Variants in GRM5 observed in about 807,000 individuals in gnomAD.
The protein encoded by GRM5 is metabotropic glutamate receptor 5.
In GRM5, 19 loss-of-function variants were observed where a neutral mutation model predicts 83.1. The ratio of observed to expected loss-of-function variants is 0.23; its 90% CI spans 0.16 to 0.34. The LOEUF is 0.34. Among genes scored for constraint, GRM5 ranks in the 10% least tolerant of loss-of-function variants. The pLI is 1.00. For missense variants in GRM5, 1,160 were observed against 1,588.3 expected, an observed-to-expected ratio of 0.73 and a Z score of 4.58; for synonymous variants, 675 against 633.6, an observed-to-expected ratio of 1.07 and a Z score of -0.98.
intron 7 of GRM5, among the ~76,000 whole-genome samples, chr11:88,574,982 T>C (rs2135184048): frequency 6.9e-6 from 1 of 144,736 alleles, no homozygotes; most frequent in Admixed American, 6.9e-5. Flanking sequence ...TAACTTTTCT[T>C]TTCTTTTTTT....
intron 2 of GRM5, among the ~76,000 whole-genome samples, chr11:88,874,489 A>C (rs901007658): frequency 2.0e-5 from 3 of 151,988 alleles, no homozygotes; most frequent in African/African-American, 7.2e-5. Context: ...AGATACTAGA[A>C]GAAAACACAG....
chr11:88,705,827 C>A lies in GRM5; in HGVS notation c.912-52424G>T, dbSNP rs978538758. Among the ~76,000 whole-genome samples, 6 of 151,938 alleles carry A rather than the reference C, an allele frequency of 3.9e-5. 1 individual carries two copies. Among genetic ancestry groups the A allele is most frequent in the Non-Finnish European group, 7.4e-5 (5 of 67,970 alleles). ...AAATGCAAACTTCTTGGGTATGTCA[C>A]CCAAGAATCTGTCTCCATCTCTCAA... On this transcript the variant is annotated intron_variant, in intron 3 of 9. Coordinates refer to ENST00000305447, the MANE Select transcript of GRM5 (RefSeq NM_001143831.3).
intron 2 of GRM5, among the ~76,000 whole-genome samples, chr11:88,929,511 A>G (rs1297519171): frequency 6.6e-6 from 1 of 152,140 alleles, no homozygotes; most frequent in Non-Finnish European, 1.5e-5. Context: ...TTATCATGAA[A>G]AGCTTTTGTT....
intron 3 of GRM5, among the ~76,000 whole-genome samples, chr11:88,820,081 C>T (rs1565246537): frequency 6.6e-6 from 1 of 151,972 alleles, no homozygotes; most frequent in Non-Finnish European, 1.5e-5. Context: ...ATATTCAAAT[C>T]ATAGCAGATT....
chr11:88,993,190 C>T lies in GRM5; in HGVS notation c.661+54022G>A, dbSNP rs866715987. ...CTAAGGCAGAAGAAGGGCGTGAGTC[C>T]AGGAGGCAGAGCTTGCAGTGAGCCG... On this transcript the variant is annotated intron_variant, in intron 2 of 9. Coordinates refer to ENST00000305447, the MANE Select transcript of GRM5 (RefSeq NM_001143831.3). 3.8e-4 allele frequency among the ~76,000 whole-genome samples: 55 copies of T among 144,240 alleles called. 1 individual carries two copies. Among genetic ancestry groups the T allele is most frequent in the African/African-American group, 1.2e-3 (46 of 39,080 alleles). The allele number at this position is 144,240 out of a possible 152,430, so 94.6% of individuals were successfully genotyped here.
chr11:88,831,534 G>A (rs560137597), intron 3 of GRM5, among the ~76,000 whole-genome samples: 17 of 152,260 alleles, frequency 1.1e-4, no homozygotes, highest in African/African-American at 4.1e-4. Flanking sequence ...GTACCTATTT[G>A]GGACCTCATG....
intron 2 of GRM5, among the ~76,000 whole-genome samples, chr11:88,863,901 T>C (rs577186959): frequency 1.3e-5 from 2 of 151,712 alleles, no homozygotes; most frequent in Non-Finnish European, 2.9e-5. Context: ...TCTGTCATAT[T>C]TTCAGTTACT....
At chr11:89,045,055 A>C (rs577629841) in intron 2 of GRM5, among the ~76,000 whole-genome samples, 1 of 152,250 alleles carries the variant, frequency 6.6e-6, no homozygotes, top group South Asian at 2.1e-4. Context: ...AGCAAGATAA[A>C]TATTTCTTGA....
chr11:88,998,231 A>T (rs1447273578), intron 2 of GRM5, among the ~76,000 whole-genome samples: 1 of 152,170 alleles, frequency 6.6e-6, no homozygotes, highest in Admixed American at 6.5e-5. Flanking sequence ...CGAATTCAGC[A>T]GTTTATACAC....
chr11:88,928,484 G>GTATA, intron 2 of GRM5, among the ~76,000 whole-genome samples: 1 of 98,478 alleles, frequency 1.0e-5, no homozygotes, highest in Admixed American at 9.6e-5. Context: ...ATATATATAT[G>GTATA]TATATATGTA....
At chr11:88,945,402 T>A (rs1314125297) in intron 2 of GRM5, among the ~76,000 whole-genome samples, 2 of 152,010 alleles carry the variant, frequency 1.3e-5, no homozygotes, top group Admixed American at 1.3e-4. Flanking sequence ...AATGTAGCAT[T>A]CATATGGAAC....
Position 88,508,859 on chromosome 11 carries a change from C to T in GRM5, c.3372G>A (p.Thr1124=), listed in dbSNP as rs569668690. 2 of 1,577,330 alleles carry T rather than the reference C, an allele frequency of 1.3e-6. No individual in the cohort carries two copies. Among genetic ancestry groups the T allele is most frequent in the South Asian group, 1.2e-5 (1 of 86,058 alleles). Residue 1124 remains threonine (T), a synonymous_variant, in exon 10 of 10, where the codon ACG becomes ACA. Coordinates refer to ENST00000305447, the MANE Select transcript of GRM5 (RefSeq NM_001143831.3). This position sits in a 1 kb window ranked among gnomAD's most constrained non-coding sequence, Gnocchi z 4.2. ...EIQPLPAIEV[T]GGAQPAAGAQ... ...CCCCTGCCGCGGGCTGCGCGCCTCC[C>T]GTGACTTCGATGGCCGGCAGAGGCT...
intron 4 of GRM5, among the ~76,000 whole-genome samples, chr11:88,650,120 G>A (rs1939591611): frequency 6.6e-6 from 1 of 151,704 alleles, no homozygotes; most frequent in Non-Finnish European, 1.5e-5. Flanking sequence ...TATACAAAGA[G>A]ATGAAACAAA....
chr11:89,048,738 G>A (rs547604571), intron 1 of GRM5, among the ~76,000 whole-genome samples: 6 of 152,126 alleles, frequency 3.9e-5, no homozygotes, highest in Admixed American at 2.6e-4. Flanking sequence ...GAAAGGAAAA[G>A]GTTGGGGAAT....
rs540547829 is a variant in GRM5 at position 88,826,968 on chromosome 11, T to C, written c.911+22938A>G. On this transcript the variant is annotated intron_variant, in intron 3 of 9. Coordinates refer to ENST00000305447, the MANE Select transcript of GRM5 (RefSeq NM_001143831.3). ...TGTCATATTAAATGTAAATACATCT[T>C]GAAAGTTTCTTGGCATATCATTAGA... Among the ~76,000 whole-genome samples, 7 of 152,346 alleles carry C rather than the reference T, an allele frequency of 4.6e-5. No individual in the cohort carries two copies. The South Asian group carries it at 1.4e-3, about 32-fold the overall frequency.
chr11:88,688,854 G>A (rs1246518039), intron 3 of GRM5, among the ~76,000 whole-genome samples: 2 of 152,068 alleles, frequency 1.3e-5, no homozygotes, highest in Middle Eastern at 3.2e-3. Context: ...TAGGCGATTA[G>A]ACCTGGAACA....
At chr11:88,947,634 A>C (rs936658450) in intron 2 of GRM5, among the ~76,000 whole-genome samples, 3 of 151,474 alleles carry the variant, frequency 2.0e-5, no homozygotes, top group Non-Finnish European at 2.9e-5. Flanking sequence ...CTAACTACCC[A>C]CTTATCTGTT....
chr11:88,585,286 CT>C (rs2135199501), intron 7 of GRM5, among the ~76,000 whole-genome samples: 1 of 152,250 alleles, frequency 6.6e-6, no homozygotes, highest in Admixed American at 6.5e-5. Context: ...GTATGCTTTT[CT>C]TTTGTTAATC....
At chr11:88,713,087 G>T (rs998301701) in intron 3 of GRM5, among the ~76,000 whole-genome samples, 5 of 151,868 alleles carry the variant, frequency 3.3e-5, no homozygotes, top group African/African-American at 1.2e-4. Flanking sequence ...CAAAATTTTG[G>T]AATATTCACA....
Sources: allele counts gnomAD v4.1 joint callset (sites outside exome capture counted in the v4.1 genomes callset), GRCh38; gene constraint gnomAD v4.1.1; non-coding constraint Gnocchi (gnomAD v3.1); transcripts MANE v1.5; gene names NCBI Gene and HGNC (gene_info 2026-07-23, HGNC 2026-07-21).